The following SLC14A2 variants were observed in gnomAD, a reference collection of about 807,000 sequenced individuals.
The protein encoded by SLC14A2 is urea transporter 2.
Under a neutral mutation model 104.6 loss-of-function variants are expected in SLC14A2, and 91 were observed. The observed-to-expected ratio is 0.87, with a 90% confidence interval of 0.73 to 1.04. The LOEUF is 1.04. SLC14A2 is among the 50% of genes least tolerant of loss of function. The pLI is 0.00. For missense variants in SLC14A2, 1,189 were observed against 1,156.0 expected (o/e 1.03, Z -0.41); for synonymous variants, 476 against 466.4 (o/e 1.02, Z -0.27).
chr18:45,207,792 A>G, the SLC14A2 span, among the ~76,000 whole-genome samples: 1 of 145,666 alleles, frequency 6.9e-6, no homozygotes, highest in Non-Finnish European at 1.5e-5. Flanking sequence ...CTAGTATTGC[A>G]TTTTTTTTAA....
intron 1 of SLC14A2, among the ~76,000 whole-genome samples, chr18:45,461,672 A>AT (rs1306215208): frequency 6.6e-6 from 1 of 152,184 alleles, no homozygotes; most frequent in Non-Finnish European, 1.5e-5. Context: ...CCTGTGTGAT[A>AT]TGACATGAAG....
intron 1 of SLC14A2, among the ~76,000 whole-genome samples, chr18:45,330,711 G>T (rs550106927): frequency 2.4e-4 from 36 of 152,150 alleles, no homozygotes; most frequent in Admixed American, 1.3e-3. Flanking sequence ...CCCTTAACAC[G>T]CTGTCCCTCG....
intron 6 of SLC14A2, among the ~76,000 whole-genome samples, chr18:45,638,151 G>A (rs1014441933): frequency 2.6e-5 from 4 of 152,150 alleles, no homozygotes; most frequent in African/African-American, 7.2e-5. Context: ...TGGCAATCAT[G>A]GGATATTTAT....
chr18:45,251,381 C>T lies in SLC14A2; in HGVS notation c.-125+38190C>T, dbSNP rs997037497. The stretch of plus-strand genomic sequence containing the variant: ...TTCATTCTTAGAAAAGAATCTTACT[C>T]GGAAATACTTTCCACTATATTCGAG... On this transcript the variant is annotated intron_variant, in intron 1 of 20. Coordinates refer to the SLC14A2 transcript ENST00000586448. Among the ~76,000 whole-genome samples, 4 of 152,184 alleles carry T rather than the reference C, an allele frequency of 2.6e-5. No individual in the cohort carries two copies. The South Asian group carries it at 6.2e-4, about 24-fold the overall frequency.
chr18:45,632,648 C>T lies in SLC14A2; in HGVS notation c.650+170C>T, dbSNP rs574111533. On this transcript the variant is annotated intron_variant, in intron 5 of 19. Coordinates refer to ENST00000255226, the MANE Select transcript of SLC14A2 (RefSeq NM_007163.4). ...GAGTTCTCTTGTAACACAAGGGGGT[C>T]ATTTGGAGATATGGAATAAGGAGGA... 6.6e-5 allele frequency among the ~76,000 whole-genome samples: 10 copies of T among 152,240 alleles called. No homozygotes were observed. The South Asian group carries it at 1.9e-3, about 28-fold the overall frequency.
intron 1 of SLC14A2, among the ~76,000 whole-genome samples, chr18:45,480,623 C>T (rs76382543): frequency 0.074 from 11,273 of 152,260 alleles, 549 homozygotes; most frequent in East Asian, 0.21. Context: ...AGATTACCCC[C>T]ACAGCCCACA....
At chr18:45,242,299 A>T (rs1161332083) in intron 1 of SLC14A2, among the ~76,000 whole-genome samples, 1 of 152,140 alleles carries the variant, frequency 6.6e-6, no homozygotes, top group Non-Finnish European at 1.5e-5. Flanking sequence ...CTACATTTTC[A>T]TGTAACTTAT....
At chr18:45,639,276 G>T (rs1599100816) in intron 6 of SLC14A2, among the ~76,000 whole-genome samples, 1 of 152,232 alleles carries the variant, frequency 6.6e-6, no homozygotes, top group African/African-American at 2.4e-5. Flanking sequence ...TAGGGGTCAA[G>T]CTCAGAGCCT....
Position 45,637,195 on chromosome 18 carries a change from G to A in SLC14A2, c.843+13G>A. On this transcript the variant is annotated intron_variant, in intron 6 of 19. Transcript: ENST00000255226. ...GGAAATGCCCCTGGTAAGTTACCCAGCGGTGATGAGTTGAGACCCCCATAT... is the reference window on the plus strand; with the variant it reads ...GGAAATGCCCCTGGTAAGTTACCCAACGGTGATGAGTTGAGACCCCCATAT... The A allele has an allele frequency of 6.2e-7, 1 of 1,610,358 alleles. No individual in the cohort carries two copies. Among genetic ancestry groups the A allele is most frequent in the Non-Finnish European group, 8.5e-7 (1 of 1,177,224 alleles).
chr18:45,331,266 T>C (rs2085286955), intron 1 of SLC14A2, among the ~76,000 whole-genome samples: 1 of 152,204 alleles, frequency 6.6e-6, no homozygotes, highest in Admixed American at 6.5e-5. Context: ...TATCCCCTTA[T>C]ACAAATACTA....
chr18:45,384,949 T>C lies in SLC14A2; in HGVS notation c.-124-98284T>C, dbSNP rs76230107. On this transcript the variant is annotated intron_variant, in intron 1 of 20. Coordinates refer to the SLC14A2 transcript ENST00000586448. ...GCATGATGGCACCTTCAAGTAAAGA[T>C]GAACAGGGAGCTTTTAAGCTTCTCC... Among the ~76,000 whole-genome samples the C allele has an allele frequency of 7.2e-5, 11 of 152,316 alleles. No homozygotes were observed. The East Asian group carries it at 1.7e-3, about 24-fold the overall frequency.
rs371604177 is a variant in SLC14A2, at chr18:45,273,159, T to A, written c.-125+59968T>A. ...GGGTTTTTGCTCTATTACTCGACTC[T>A]CGCTTTGCTATGTACTGGTTTTATT... On this transcript the variant is annotated intron_variant, in intron 1 of 20. Transcript: ENST00000586448. Among the ~76,000 whole-genome samples, 56 of 152,300 alleles carry A rather than the reference T, an allele frequency of 3.7e-4. 2 individuals are homozygous for A. The South Asian group carries it at 8.3e-3, about 23-fold the overall frequency.
rs752291059 is a variant in SLC14A2, at chr18:45,669,335, T to C, written c.2066T>C (p.Ile689Thr). The C allele has an allele frequency of 6.2e-7, 1 of 1,613,892 alleles. No individual in the cohort carries two copies. The highest frequency in any genetic ancestry group is 2.2e-5 in the East Asian group (1 of 44,880). Reference protein sequence around the residue: ...CPILSSALGTIFSKWDLPVFT... With the variant: ...CPILSSALGTTFSKWDLPVFT... ...ATCCTCTCCAGTGCCCTGGGTACCA[T>C]CTTCAGCAAGTGGGACCTCCCAGTC... Residue 689 changes from isoleucine (I) to threonine (T), a missense_variant, in exon 16 of 20, where the codon ATC (isoleucine) becomes ACC (threonine). Transcript: ENST00000255226.
chr18:45,326,414 T>C (rs2085234763), intron 1 of SLC14A2, among the ~76,000 whole-genome samples: 1 of 152,074 alleles, frequency 6.6e-6, no homozygotes, highest in Non-Finnish European at 1.5e-5. Context: ...GGGAATCATA[T>C]TATCAATATC....
At chr18:45,279,053 C>T (rs945952021) in intron 1 of SLC14A2, among the ~76,000 whole-genome samples, 3 of 152,146 alleles carry the variant, frequency 2.0e-5, no homozygotes, top group Non-Finnish European at 4.4e-5. Flanking sequence ...GGAGTTGAAT[C>T]CTGCCCAGGC....
intron 1 of SLC14A2, among the ~76,000 whole-genome samples, chr18:45,244,035 A>G (rs1248059738): frequency 6.6e-6 from 1 of 152,128 alleles, no homozygotes; most frequent in East Asian, 1.9e-4. Context: ...CAGCGTACTC[A>G]TTCATGGGAG....
intron 10 of SLC14A2, among the ~76,000 whole-genome samples, chr18:45,663,288 C>A (rs2045961236): frequency 6.6e-6 from 1 of 152,236 alleles, no homozygotes; most frequent in African/African-American, 2.4e-5. Context: ...GATGTCAGTT[C>A]TCAGCCCAAG....
intron 2 of SLC14A2, among the ~76,000 whole-genome samples, chr18:45,588,175 T>C (rs2044595540): frequency 6.6e-6 from 1 of 152,078 alleles, no homozygotes; most frequent in East Asian, 1.9e-4. Context: ...GAAAGAGAGA[T>C]GTCTGATCAC....
chr18:45,620,083 G>A (rs1190343262), intron 1 of SLC14A2, among the ~76,000 whole-genome samples: 1 of 152,178 alleles, frequency 6.6e-6, no homozygotes, highest in Non-Finnish European at 1.5e-5. Context: ...CTACCCCAAA[G>A]CCAAAATTCC....
Sources: gnomAD v4.1 joint callset for allele counts (sites outside exome capture counted in the v4.1 genomes callset) on GRCh38, gnomAD v4.1.1 for gene constraint, MANE v1.5 for transcripts, NCBI Gene and HGNC (gene_info 2026-07-23, HGNC 2026-07-21) for gene names.